Variants in EDDM13 observed in about 807,000 individuals in gnomAD.
EDDM13 encodes epididymal protein 13.
In EDDM13, 24 loss-of-function variants were observed where a neutral mutation model predicts 17.8. The observed-to-expected ratio is 1.35, with a 90% confidence interval of 0.98 to 1.90. The LOEUF (loss-of-function observed/expected upper bound fraction) is 1.90. Ranked by LOEUF, EDDM13 falls within the 40% of genes most tolerant of loss-of-function variation. EDDM13 has a pLI of 0.00. For missense variants in EDDM13, 97 were observed against 100.8 expected, an observed-to-expected ratio of 0.96 and a Z score of 0.16; for synonymous variants, 31 against 37.5, an observed-to-expected ratio of 0.83 and a Z score of 0.63.
At chr19:56,281,248 G>A (rs2038675623) in intron 2 of EDDM13, among the ~76,000 whole-genome samples, 1 of 152,030 alleles carries the variant, frequency 6.6e-6, no homozygotes, top group Non-Finnish European at 1.5e-5. Context: ...GAAGGGGAGG[G>A]GTTGGTCTTT....
At chr19:56,301,790 TG>T in intron 12 of EDDM13, 177 bp from the exon 13 acceptor site, 1 of 547,734 alleles carries the variant, frequency 1.8e-6, no homozygotes, top group Non-Finnish European at 2.7e-6. Flanking sequence ...GTCTGGAGTA[TG>T]GTGGTAACCA....
intron 6 of EDDM13, among the ~76,000 whole-genome samples, chr19:56,287,902 G>C (rs2039245920): frequency 6.6e-6 from 1 of 152,238 alleles, no homozygotes; most frequent in South Asian, 2.1e-4. Flanking sequence ...AAAAGCTACA[G>C]TGACCAGCTC....
At chr19:56,293,034 GC>G (rs2147172796) in intron 9 of EDDM13, among the ~76,000 whole-genome samples, 1 of 152,282 alleles carries the variant, frequency 6.6e-6, no homozygotes, top group African/African-American at 2.4e-5. Context: ...CACATTCAAA[GC>G]CATCTAAACC....
intron 2 of EDDM13, among the ~76,000 whole-genome samples, chr19:56,278,269 G>T (rs2038417979): frequency 6.6e-6 from 1 of 152,134 alleles, no homozygotes; most frequent in Non-Finnish European, 1.5e-5. Context: ...AAGTAGCTGG[G>T]ACTATAGGTG....
chr19:56,291,142 C>A (rs779277593), intron 9 of EDDM13, among the ~76,000 whole-genome samples: 9 of 152,066 alleles, frequency 5.9e-5, no homozygotes, highest in Non-Finnish European at 1.3e-4. Flanking sequence ...AGGACCGTTG[C>A]CCCAGAAGAC....
chr19:56,286,646 G>A (rs920305711), intron 6 of EDDM13: 3 of 152,216 alleles, frequency 2.0e-5, no homozygotes, highest in Non-Finnish European at 4.4e-5. Flanking sequence ...CCGCTGTTCG[G>A]TGGAAATAAA....
rs951759220 is a variant in EDDM13 at position 56,281,617 on chromosome 19, GTTAATA to G, written c.104-70_104-65del. The G allele has an allele frequency of 2.8e-5, 22 of 773,964 alleles. No homozygotes were observed. The African/African-American group carries it at 3.8e-4, about 13-fold the overall frequency. 47.9% of individuals were successfully genotyped at this position (773,964 alleles called of 1,614,324 possible). On this transcript the variant is annotated intron_variant, in intron 2 of 14. Coordinates refer to ENST00000649256, the MANE Select transcript of EDDM13 (RefSeq NM_001354658.2). ...GTAAAAATTAACAGAGATGGATGAT[GTTAATA>G]TTAATTCCACTCTCTTCCTTGAATT...
At chr19:56,287,417 C>T (rs1049000293) in intron 6 of EDDM13, among the ~76,000 whole-genome samples, 1 of 152,200 alleles carries the variant, frequency 6.6e-6, no homozygotes, top group South Asian at 2.1e-4. Context: ...TCTCCTCCCT[C>T]CCACATTGCC....
chr19:56,276,534 TTTTA>T (rs78738335), intron 2 of EDDM13, among the ~76,000 whole-genome samples: 1 of 141,262 alleles, frequency 7.1e-6, no homozygotes, highest in East Asian at 2.0e-4. Context: ...TGAGGGTTAT[TTTTA>T]TTTATTTATT....
chr19:56,307,191 T>C (rs1269390487), intron 14 of EDDM13, among the ~76,000 whole-genome samples: 1 of 151,754 alleles, frequency 6.6e-6, no homozygotes, highest in Non-Finnish European at 1.5e-5. Flanking sequence ...CCTTGATAGC[T>C]ACAAAGAGGC....
intron 6 of EDDM13, among the ~76,000 whole-genome samples, chr19:56,288,033 G>A (rs984558247): frequency 6.6e-6 from 1 of 152,208 alleles, no homozygotes; most frequent in African/African-American, 2.4e-5. Context: ...TGAGGAGACT[G>A]AGGCACAAGG....
chr19:56,288,828 T>C (rs2039318813), intron 7 of EDDM13, among the ~76,000 whole-genome samples, 46 bp from the exon 8 acceptor site: 1 of 152,230 alleles, frequency 6.6e-6, no homozygotes, highest in Non-Finnish European at 1.5e-5. Flanking sequence ...CTCTCTCTAC[T>C]CTGCCCCTCC....
intron 12 of EDDM13, among the ~76,000 whole-genome samples, chr19:56,299,430 G>A (rs1328922396): frequency 6.6e-6 from 1 of 150,670 alleles, no homozygotes; most frequent in Non-Finnish European, 1.5e-5. Context: ...ACCATGCCCA[G>A]CCTTGTTCAT....
At chr19:56,276,931 T>C (rs576863671) in intron 2 of EDDM13, among the ~76,000 whole-genome samples, 8 of 152,088 alleles carry the variant, frequency 5.3e-5, no homozygotes, top group African/African-American at 1.2e-4. Flanking sequence ...TATTTACAAA[T>C]ACAAATACTT....
chr19:56,297,665 C>A, intron 12 of EDDM13, 134 bp downstream of exon 12: 1 of 373,358 alleles, frequency 2.7e-6, no homozygotes, highest in African/African-American at 2.2e-5. Flanking sequence ...TGAGAGGCTG[C>A]CTTCCTGAAG....
intron 13 of EDDM13, chr19:56,302,930 G>A (rs978858491): frequency 1.8e-5 from 7 of 398,428 alleles, no homozygotes; most frequent in Non-Finnish European, 2.7e-5. Context: ...CTGTAAGGGA[G>A]GCAGACATCC....
At chr19:56,305,767 A>G (rs2040647556) in intron 14 of EDDM13, among the ~76,000 whole-genome samples, 1 of 152,174 alleles carries the variant, frequency 6.6e-6, no homozygotes, top group Non-Finnish European at 1.5e-5. Context: ...AAAGAGAACT[A>G]AAGAACCTTG....
intron 9 of EDDM13, among the ~76,000 whole-genome samples, chr19:56,293,300 T>C (rs939266297): frequency 3.9e-5 from 6 of 152,120 alleles, no homozygotes; most frequent in Non-Finnish European, 8.8e-5. Flanking sequence ...CGCTTGCTCA[T>C]GGTCACACAG....
intron 3 of EDDM13, among the ~76,000 whole-genome samples, chr19:56,282,068 T>C (rs1050288712): frequency 7.2e-5 from 11 of 152,114 alleles, no homozygotes; most frequent in African/African-American, 1.9e-4. Context: ...CTGGGTTAGA[T>C]TGTGTGTATT....
Sources: gnomAD v4.1 joint callset for allele counts (sites outside exome capture counted in the v4.1 genomes callset) on GRCh38, gnomAD v4.1.1 for gene constraint, MANE v1.5 for transcripts, NCBI Gene and HGNC (gene_info 2026-07-23, HGNC 2026-07-21) for gene names.